The following ABCA7 variants were observed in gnomAD, a reference collection of about 807,000 sequenced individuals.
ABCA7 encodes the protein ATP binding cassette subfamily A member 7.
Under a neutral mutation model 227.6 loss-of-function variants are expected in ABCA7, and 261 were observed. That is an observed-to-expected ratio of 1.15 (90% CI 1.04 to 1.27). The LOEUF is 1.27. ABCA7 is among the 50% of genes most tolerant of loss of function. The pLI, the probability that ABCA7 is intolerant of heterozygous loss-of-function variation, is 0.00. For synonymous variants in ABCA7, 1,488 were observed against 1,279.7 expected, an observed-to-expected ratio of 1.16 and a Z score of -3.47; for missense variants, 3,331 against 2,924.5, an observed-to-expected ratio of 1.14 and a Z score of -3.21.
intron 12 of ABCA7, chr19:1,045,537 T>C (rs968058866): frequency 1.8e-5 from 7 of 385,590 alleles, no homozygotes; most frequent in Non-Finnish European, 4.8e-6. Context: ...GAGCTAAAAT[T>C]GCACCGGGTG....
intron 16 of ABCA7, among the ~76,000 whole-genome samples, chr19:1,048,388 T>C (rs1411174754): frequency 1.4e-5 from 2 of 146,510 alleles, no homozygotes; most frequent in Admixed American, 7.0e-5. Context: ...CCTAGCTACT[T>C]GGAAGGCAGA....
intron 39 of ABCA7, 27 bp from the exon 40 acceptor site, chr19:1,058,996 C>T: frequency 6.2e-7 from 1 of 1,613,748 alleles, no homozygotes; most frequent in Non-Finnish European, 8.5e-7. Context: ...GCCCACTCAC[C>T]TTTCTGAAAG....
chr19:1,065,431 C>A lies in ABCA7; in HGVS notation c.*6C>A. ...CTGCCGAGACTGTGCTCTGAGCCTC[C>A]CTCCCCTGCGGGGCCGCGGGGAGGC... On this transcript the variant is annotated 3_prime_UTR_variant, in exon 47 of 47. Transcript: ENST00000263094. 1 of 1,612,886 alleles carries A rather than the reference C, an allele frequency of 6.2e-7. No homozygotes were observed. The highest frequency in any genetic ancestry group is 1.3e-5 in the African/African-American group (1 of 75,062).
intron 41 of ABCA7, 109 bp downstream of exon 41, chr19:1,061,997 T>C: frequency 7.0e-7 from 1 of 1,427,712 alleles, no homozygotes; most frequent in Non-Finnish European, 9.4e-7. Flanking sequence ...GCCCCACACC[T>C]GCATGGTCTC....
chr19:1,061,006 CT>C (rs2042616072), intron 40 of ABCA7, among the ~76,000 whole-genome samples: 1 of 152,276 alleles, frequency 6.6e-6, no homozygotes, highest in East Asian at 1.9e-4. Flanking sequence ...AAGCCATTCC[CT>C]GCTAAGTGAC....
At chr19:1,061,991 C>A in intron 41 of ABCA7, 103 bp downstream of exon 41, 1 of 1,431,552 alleles carries the variant, frequency 7.0e-7, no homozygotes, top group East Asian at 2.3e-5. Context: ...CTCACTGCCC[C>A]ACACCTGCAT....
At position 1,054,121 on chromosome 19, in the gene ABCA7, C is replaced by T; in HGVS notation, c.3577+11C>T. 4 of 1,613,056 alleles carry T rather than the reference C, an allele frequency of 2.5e-6. No homozygotes were observed. In the Middle Eastern group the frequency reaches 5.0e-4, roughly 200 times the overall value. On this transcript the variant is annotated intron_variant, in intron 26 of 46. Coordinates refer to ENST00000263094, the MANE Select transcript of ABCA7 (RefSeq NM_019112.4). The surrounding 1 kb of genome is among the most constrained non-coding windows in gnomAD (Gnocchi z 4.8). ...AGAACGGGGAACCAGGTAAGTCCTT[C>T]CCAGTGGCCCTGGGGTCCTCCCAGC...
Position 1,045,205 on chromosome 19 carries a change from C to T in ABCA7, c.1419C>T (p.Val473=). ...RIKIRMDIDV[V]TRTNKIRDRF... ...AAATCCGCATGGACATTGACGTGGT[C>T]ACGAGGACCAATAAGATCAGGGACA... Residue 473 remains valine, a synonymous_variant, in exon 12 of 47, where the codon GTC becomes GTT. Coordinates refer to ENST00000263094, the MANE Select transcript of ABCA7 (RefSeq NM_019112.4). The T allele has an allele frequency of 3.1e-6, 5 of 1,609,614 alleles. No homozygotes were observed. Among genetic ancestry groups the T allele is most frequent in the Non-Finnish European group, 3.4e-6 (4 of 1,177,954 alleles).
intron 45 of ABCA7, chr19:1,064,598 G>A: frequency 2.2e-6 from 1 of 462,274 alleles, no homozygotes; most frequent in Non-Finnish European, 3.8e-6. Context: ...TGGGGCGGGG[G>A]TATTTATTGT....
Position 1,056,969 on chromosome 19 carries a change from C to T in ABCA7, c.4649C>T (p.Pro1550Leu), listed in dbSNP as rs1038584147. 12 of 1,614,056 alleles carry T rather than the reference C, an allele frequency of 7.4e-6. No homozygotes were observed. The highest frequency in any genetic ancestry group is 1.3e-5 in the African/African-American group (1 of 75,056). The change falls in exon 34 of 47, where the codon CCG (proline) becomes CTG (leucine). Residue 1550 changes from proline (P) to leucine (L), a missense_variant. Coordinates refer to ENST00000263094, the MANE Select transcript of ABCA7 (RefSeq NM_019112.4). The surrounding 1 kb of genome is among the most constrained non-coding windows in gnomAD (Gnocchi z 4.3). Reference sequence around the variant, plus strand: ...GTGGTCTTTGCCATGTCCTTTGTCCCGGCCAGCTTCACTCTTGTCCTCATT... The same window carrying T: ...GTGGTCTTTGCCATGTCCTTTGTCCTGGCCAGCTTCACTCTTGTCCTCATT... ...ICVVFAMSFV[P>L]ASFTLVLIEE...
In ABCA7 at chr19:1,055,306, T is replaced by C; in HGVS notation, c.4160T>C (p.Leu1387Pro). The change falls in exon 30 of 47, where the codon CTG becomes CCG. Residue 1387 changes from leucine to proline, a missense_variant. Physicochemically the swap from Leu to Pro is moderately conservative, Grantham distance 98. Coordinates refer to ENST00000263094, the MANE Select transcript of ABCA7 (RefSeq NM_019112.4). ...EVVQNLTGRN[L>P]SDFLVKTYPR... ...GTTCAGAACCTGACAGGCCGGAACCTGTCTGACTTCCTGGTCAAGACCTAC... is the reference window on the plus strand; with the variant it reads ...GTTCAGAACCTGACAGGCCGGAACCCGTCTGACTTCCTGGTCAAGACCTAC... 2 of 1,604,148 alleles carry C rather than the reference T, an allele frequency of 1.2e-6. No homozygotes were observed. The highest frequency in any genetic ancestry group is 2.2e-5 in the South Asian group (2 of 90,446).
At chr19:1,060,488 T>G (rs10411696) in intron 40 of ABCA7, among the ~76,000 whole-genome samples, 91,264 of 150,842 alleles carry the variant, frequency 0.61, 30,063 homozygotes, top group African/African-American at 0.89. Context: ...TGGGATCACA[T>G]GTGTGAGCCA....
In ABCA7 at chr19:1,047,637, T is replaced by G. The variant is rs767900476; in HGVS notation, c.2252T>G (p.Leu751Arg). The G allele has an allele frequency of 8.1e-6, 13 of 1,596,370 alleles. No homozygotes were observed. Among genetic ancestry groups the G allele is most frequent in the Non-Finnish European group, 1.0e-5 (12 of 1,176,480 alleles). The change falls in exon 16 of 47, where the codon CTG becomes CGG. Residue 751 changes from leucine to arginine, a missense_variant. Leu to Arg is a moderately radical substitution (Grantham distance 102). Coordinates refer to ENST00000263094, the MANE Select transcript of ABCA7 (RefSeq NM_019112.4). ...AALYGLATWY[L>R]EAVCPGQYGI... The stretch of plus-strand genomic sequence containing the variant: ...CTCTACGGCCTCGCCACCTGGTACC[T>G]GGAAGCTGTGTGCCCAGGTGGGCCG...
chr19:1,058,977 C>T (rs778013456), intron 39 of ABCA7, 37 bp downstream of exon 39: 5 of 1,612,870 alleles, frequency 3.1e-6, no homozygotes, highest in Non-Finnish European at 4.2e-6. Flanking sequence ...GTGGGGGGTG[C>T]TCCCACTGGC....
chr19:1,053,505 G>A lies in ABCA7; in HGVS notation c.3397G>A (p.Gly1133Arg), dbSNP rs762159513. 3.6e-5 allele frequency: 56 copies of A among 1,574,588 alleles called. No homozygotes were observed. Among genetic ancestry groups the A allele is most frequent in the African/African-American group, 1.2e-4 (9 of 73,960 alleles). The change falls in exon 24 of 47, where the codon GGG (glycine) becomes AGG (arginine). Residue 1133 changes from glycine to arginine, a missense_variant. Gly to Arg is a moderately radical substitution (Grantham distance 125). Coordinates refer to ENST00000263094, the MANE Select transcript of ABCA7 (RefSeq NM_019112.4). ...RLAELRLTGY[G>R]ISDTSLEEIF... The stretch of plus-strand genomic sequence containing the variant: ...GGCGGAGCTGAGGCTCACTGGCTAC[G>A]GGATCTCCGACACCAGCCTCGAGGA...
At chr19:1,062,141 C>G (rs780376689) in intron 41 of ABCA7, 31 bp from the exon 42 acceptor site, 4 of 1,608,120 alleles carry the variant, frequency 2.5e-6, no homozygotes, top group Non-Finnish European at 3.4e-6. Flanking sequence ...GACTAGCCAG[C>G]TCTCTGAGCC....
rs1275308373 is a variant in ABCA7 at position 1,043,539 on chromosome 19, A to C, written c.930+66A>C. 3.1e-6 allele frequency: 5 copies of C among 1,610,114 alleles called. No individual in the cohort carries two copies. The East Asian group carries it at 6.7e-5, about 22-fold the overall frequency. On this transcript the variant is annotated intron_variant, in intron 9 of 46. Coordinates refer to ENST00000263094, the MANE Select transcript of ABCA7 (RefSeq NM_019112.4). ...AGAGCCCATCCAGTACCCTCAGTCC[A>C]GGTGGGCCAGGGCCAGGCCGGAGGG...
At chr19:1,059,175 G>C in intron 40 of ABCA7, 90 bp downstream of exon 40, 1 of 1,402,928 alleles carries the variant, frequency 7.1e-7, no homozygotes. Context: ...AACACCTACT[G>C]TGTATCCACC....
Position 1,064,213 on chromosome 19 carries a change from C to A in ABCA7, c.6004C>A (p.Arg2002=). The A allele has an allele frequency of 6.3e-7, 1 of 1,576,252 alleles. No homozygotes were observed. Among genetic ancestry groups the A allele is most frequent in the Non-Finnish European group, 8.6e-7 (1 of 1,162,536 alleles). The stretch of plus-strand genomic sequence containing the variant: ...GCGCCTGGCCATCATGGTGAATGGG[C>A]GGTTCCGCTGCCTGGGCAGCCCGCA... The part of the protein sequence containing the change: ...CSRLAIMVNG[R]FRCLGSPQHL... Residue 2002 remains arginine, a synonymous_variant, in exon 45 of 47, where the codon CGG becomes AGG. Transcript: ENST00000263094.
Sources: allele counts gnomAD v4.1 joint callset (sites outside exome capture counted in the v4.1 genomes callset), GRCh38; gene constraint gnomAD v4.1.1; non-coding constraint Gnocchi (gnomAD v3.1); transcripts MANE v1.5; gene names NCBI Gene and HGNC (gene_info 2026-07-23, HGNC 2026-07-21).